The following SYT14 variants were observed in gnomAD, a reference collection of about 807,000 sequenced individuals.
The protein encoded by SYT14 is synaptotagmin-14.
Under a neutral mutation model 74.2 loss-of-function variants are expected in SYT14, and 32 were observed. The ratio of observed to expected loss-of-function variants is 0.43; its 90% confidence interval spans 0.33 to 0.58. The LOEUF is 0.58. SYT14 is among the 20% of genes least tolerant of loss of function. The pLI is 0.05. For missense variants in SYT14, 791 were observed against 981.8 expected (o/e 0.81, Z 2.60); for synonymous variants, 298 against 337.7 (o/e 0.88, Z 1.29).
chr1:210,003,889 A>G (rs760768), intron 2 of SYT14, among the ~76,000 whole-genome samples: 7,647 of 152,096 alleles, frequency 0.05, 1,060 homozygotes, highest in East Asian at 0.42. Context: ...CAAATGATTT[A>G]TTTTTTTAAC....
At chr1:210,039,387 G>A (rs1028238912) in intron 5 of SYT14, among the ~76,000 whole-genome samples, 1 of 151,988 alleles carries the variant, frequency 6.6e-6, no homozygotes, top group Admixed American at 6.6e-5. Flanking sequence ...CCCCAATCAA[G>A]ATGGATTAAA....
chr1:210,075,346 T>G (rs1463705484), intron 5 of SYT14, among the ~76,000 whole-genome samples: 20 of 147,882 alleles, frequency 1.4e-4, no homozygotes, highest in East Asian at 5.8e-4. Context: ...GGGTTTGTTT[T>G]TTTTTTTTTT....
At chr1:209,978,728 A>C (rs976409605) in intron 2 of SYT14, among the ~76,000 whole-genome samples, 1 of 152,170 alleles carries the variant, frequency 6.6e-6, no homozygotes, top group Non-Finnish European at 1.5e-5. Context: ...ACTCTCTTCA[A>C]AGCTGTCAGA....
At chr1:209,942,971 T>C (rs2078760295) in intron 1 of SYT14, among the ~76,000 whole-genome samples, 1 of 152,282 alleles carries the variant, frequency 6.6e-6, no homozygotes, top group African/African-American at 2.4e-5. Context: ...TACCTTATAG[T>C]TTGCTACATA....
At chr1:210,168,452 C>T (rs1002043061) in exon 10 of SYT14, 1 of 151,990 alleles carries the variant, frequency 6.6e-6, no homozygotes, top group African/African-American at 2.4e-5. Context: ...AAAGAAAAAC[C>T]ATAACATCTT....
intron 2 of SYT14, among the ~76,000 whole-genome samples, chr1:209,986,571 C>A (rs991602348): frequency 6.6e-6 from 1 of 151,956 alleles, no homozygotes; most frequent in Non-Finnish European, 1.5e-5. Flanking sequence ...CAAGATTGCG[C>A]CATTGCACTC....
At chr1:210,072,813 T>C (rs1446753614) in intron 5 of SYT14, among the ~76,000 whole-genome samples, 3 of 152,102 alleles carry the variant, frequency 2.0e-5, no homozygotes, top group Admixed American at 2.0e-4. Context: ...ATACAGTAGT[T>C]AAAATTCTTA....
chr1:210,129,468 G>A (rs1269521195), intron 7 of SYT14, among the ~76,000 whole-genome samples: 3 of 152,068 alleles, frequency 2.0e-5, no homozygotes, highest in Non-Finnish European at 4.4e-5. Flanking sequence ...CTGGTTGGTC[G>A]GTCACCTTCC....
intron 2 of SYT14, among the ~76,000 whole-genome samples, chr1:209,993,650 G>A (rs369261136): frequency 6.6e-6 from 1 of 152,110 alleles, no homozygotes; most frequent in African/African-American, 2.4e-5. Context: ...CCTCTGCCTG[G>A]GGGGCCTGGC....
At chr1:210,161,078 G>C (rs1291274147) in exon 10 of SYT14, 1 of 1,601,586 alleles carries the variant, frequency 6.2e-7, no homozygotes, top group Middle Eastern at 1.7e-4. Flanking sequence ...ATCAAAGGCA[G>C]CATATTTCCA....
intron 5 of SYT14, among the ~76,000 whole-genome samples, chr1:210,088,689 C>T (rs915131055): frequency 1.3e-5 from 2 of 151,914 alleles, no homozygotes; most frequent in Non-Finnish European, 2.9e-5. Flanking sequence ...TTTGCATGGA[C>T]ATGGATGAAG....
intron 7 of SYT14, among the ~76,000 whole-genome samples, chr1:210,151,410 A>T (rs916271447): frequency 2.6e-5 from 4 of 151,928 alleles, no homozygotes; most frequent in Non-Finnish European, 5.9e-5. Context: ...TTTTTGAGAC[A>T]GATCTCGCTA....
At chr1:210,121,617 ACT>A (rs1227260974) in intron 7 of SYT14, among the ~76,000 whole-genome samples, 2 of 151,974 alleles carry the variant, frequency 1.3e-5, no homozygotes, top group African/African-American at 2.4e-5. Context: ...ACATGGTGAA[ACT>A]CTGTCTCTAC....
At chr1:210,005,395 T>G (rs2079971439) in intron 2 of SYT14, among the ~76,000 whole-genome samples, 1 of 151,998 alleles carries the variant, frequency 6.6e-6, no homozygotes, top group Non-Finnish European at 1.5e-5. Flanking sequence ...ACAGATTGGC[T>G]TTAACCAGAA....
intron 5 of SYT14, among the ~76,000 whole-genome samples, chr1:210,036,141 C>G (rs1000555880): frequency 1.3e-5 from 2 of 151,772 alleles, no homozygotes; most frequent in African/African-American, 2.4e-5. Context: ...GAATGTAGTA[C>G]TAGGTGTTTT....
intron 2 of SYT14, among the ~76,000 whole-genome samples, chr1:210,007,828 T>G (rs2080016412): frequency 6.6e-6 from 1 of 152,162 alleles, no homozygotes; most frequent in Non-Finnish European, 1.5e-5. Flanking sequence ...TTGGACAACT[T>G]AATTATTCTC....
chr1:210,002,569 C>T (rs962058576), intron 2 of SYT14, among the ~76,000 whole-genome samples: 5 of 151,674 alleles, frequency 3.3e-5, no homozygotes, highest in Non-Finnish European at 5.9e-5. Flanking sequence ...AGATTTTTAT[C>T]GTCTGAAAGA....
intron 7 of SYT14, among the ~76,000 whole-genome samples, chr1:210,118,354 A>T (rs535194547): frequency 1.5e-4 from 23 of 152,194 alleles, no homozygotes; most frequent in Non-Finnish European, 2.8e-4. Context: ...TAGATTATGG[A>T]CATCCTGAAA....
At chr1:210,129,162 T>G (rs1227701071) in intron 7 of SYT14, among the ~76,000 whole-genome samples, 4 of 152,198 alleles carry the variant, frequency 2.6e-5, no homozygotes, top group African/African-American at 9.6e-5. Context: ...TTTGCATCAG[T>G]TAAGATTCTG....
Sources: allele counts gnomAD v4.1 joint callset (sites outside exome capture counted in the v4.1 genomes callset), GRCh38; gene constraint gnomAD v4.1.1; transcripts MANE v1.5; gene names NCBI Gene and HGNC (gene_info 2026-07-23, HGNC 2026-07-21).